BRINP3: variants seen among roughly 807,000 people sequenced by gnomAD.
BRINP3 encodes the protein BMP/retinoic acid-inducible neural-specific protein 3.
Under a neutral mutation model 71.0 loss-of-function variants are expected in BRINP3, and 19 were observed. The ratio of observed to expected loss-of-function variants is 0.27; its 90% confidence interval spans 0.19 to 0.39. The LOEUF is 0.39. Among genes scored for constraint, BRINP3 ranks in the 10% least tolerant of loss-of-function variants. BRINP3 has a pLI of 1.00. For missense variants in BRINP3, 959 were observed against 940.8 expected (o/e 1.02, Z -0.25); for synonymous variants, 380 against 337.7 (o/e 1.13, Z -1.37).
intron 3 of BRINP3, among the ~76,000 whole-genome samples, chr1:190,269,171 G>A (rs541903224): frequency 2.6e-5 from 4 of 152,146 alleles, no homozygotes; most frequent in African/African-American, 7.2e-5. Context: ...TGGAAACTTC[G>A]CATGTAATAA....
At chr1:190,408,873 G>T (rs1296545352) in intron 2 of BRINP3, among the ~76,000 whole-genome samples, 1 of 152,154 alleles carries the variant, frequency 6.6e-6, no homozygotes, top group African/African-American at 2.4e-5. Context: ...GAGGCCTGAA[G>T]AAATCACTCA....
rs1571754122 is a variant in BRINP3, at chr1:190,120,246, A to G, written c.1185-21112T>C. ...TCAGCACTAATTTTTCTCTGTTACA[A>G]CCTTATCTCATTGCAGCCAATTCAC... On this transcript the variant is annotated intron_variant, in intron 7 of 7. Transcript: ENST00000367462. 2.0e-5 allele frequency among the ~76,000 whole-genome samples: 3 copies of G among 152,092 alleles called. No individual in the cohort carries two copies. In the South Asian group the frequency reaches 6.2e-4, roughly 32 times the overall value.
At chr1:190,139,467 AAAAG>A (rs1323831135) in intron 7 of BRINP3, among the ~76,000 whole-genome samples, 1 of 150,416 alleles carries the variant, frequency 6.6e-6, no homozygotes, top group African/African-American at 2.5e-5. Flanking sequence ...AAAAAAAAAA[AAAAG>A]AAAGAAAGAA....
At chr1:190,243,341 T>A (rs1177974866) in intron 4 of BRINP3, among the ~76,000 whole-genome samples, 2 of 151,656 alleles carry the variant, frequency 1.3e-5, no homozygotes, top group African/African-American at 2.4e-5. Context: ...TATTTTGACT[T>A]TTTTTTTAGA....
At chr1:190,195,842 G>A (rs1654431559) in intron 6 of BRINP3, among the ~76,000 whole-genome samples, 1 of 151,052 alleles carries the variant, frequency 6.6e-6, no homozygotes, top group East Asian at 2.0e-4. Flanking sequence ...ATCCATAATT[G>A]GAGTTCTTGA....
At chr1:190,384,766 A>C (rs1477788541) in intron 2 of BRINP3, among the ~76,000 whole-genome samples, 1 of 151,952 alleles carries the variant, frequency 6.6e-6, no homozygotes, top group Non-Finnish European at 1.5e-5. Flanking sequence ...CACCCTGAAC[A>C]AAATTTAAAC....
chr1:190,299,129 T>C (rs1048751736), intron 2 of BRINP3, among the ~76,000 whole-genome samples: 8 of 152,134 alleles, frequency 5.3e-5, no homozygotes, highest in African/African-American at 1.7e-4. Flanking sequence ...CTTCTTTTTC[T>C]GAAATTAATG....
At chr1:190,345,430 T>C (rs1667953231) in intron 2 of BRINP3, among the ~76,000 whole-genome samples, 1 of 151,852 alleles carries the variant, frequency 6.6e-6, no homozygotes, top group South Asian at 2.1e-4. Flanking sequence ...GAGCATTTCT[T>C]TCTGCTTCCT....
In BRINP3 at chr1:190,223,109, T is replaced by C. The variant is rs575824368; in HGVS notation, c.961+2973A>G. Among the ~76,000 whole-genome samples, 35 of 152,030 alleles carry C rather than the reference T, an allele frequency of 2.3e-4. 2 individuals carry two copies. In the South Asian group the frequency reaches 6.8e-3, roughly 30 times the overall value. ...ACCAAAATTTAAAGAAGAACCAATA[T>C]CAGTTCTACCCAAATTCTCCAAAAA... On this transcript the variant is annotated intron_variant, in intron 6 of 7. Transcript: ENST00000367462.
At position 190,184,316 on chromosome 1, in the gene BRINP3, C is replaced by T. The variant is rs149411908; in HGVS notation, c.962-23426G>A. 5.6e-4 allele frequency among the ~76,000 whole-genome samples: 86 copies of T among 152,216 alleles called. 2 individuals are homozygous for T. The East Asian group carries it at 0.016, about 28-fold the overall frequency. The stretch of plus-strand genomic sequence containing the variant: ...AATTAGTTCAGCCACTGTGGAAAGC[C>T]ATCTGAAGATTTCTCAAAGAACTTA... On this transcript the variant is annotated intron_variant, in intron 6 of 7. Transcript: ENST00000367462.
chr1:190,316,056 C>T (rs1025677532), intron 2 of BRINP3, among the ~76,000 whole-genome samples: 8 of 149,712 alleles, frequency 5.3e-5, no homozygotes, highest in African/African-American at 1.5e-4. Context: ...AACTGGACAC[C>T]GGTGCAGCTG....
chr1:190,252,452 C>G (rs1013917531), intron 4 of BRINP3, among the ~76,000 whole-genome samples: 1 of 152,046 alleles, frequency 6.6e-6, no homozygotes, highest in African/African-American at 2.4e-5. Flanking sequence ...TACACTGAAG[C>G]AGAAGAAATA....
chr1:190,370,677 C>CCTTCATGG (rs1669803345), intron 2 of BRINP3, among the ~76,000 whole-genome samples: 1 of 152,170 alleles, frequency 6.6e-6, no homozygotes, highest in African/African-American at 2.4e-5. Context: ...TAAGGCAGGG[C>CCTTCATGG]CTTCATGGCG....
rs71123078 is a variant in BRINP3, at chr1:190,240,872, C to CAAAA, written c.619-6399_619-6396dup. Among the ~76,000 whole-genome samples the CAAAA allele has an allele frequency of 5.2e-4, 20 of 38,266 alleles. 1 individual carries two copies. Among genetic ancestry groups the CAAAA allele is most frequent in the African/African-American group, 1.6e-3 (14 of 8,790 alleles). 25.1% of individuals were successfully genotyped at this position (38,266 alleles called of 152,430 possible). ...GGGCAATAAGAGTGAAACTCTGTCT[C>CAAAA]AAAAAAAAAAAAAAAAAAAAAAAAA... On this transcript the variant is annotated intron_variant, in intron 4 of 7. Coordinates refer to ENST00000367462, the MANE Select transcript of BRINP3 (RefSeq NM_199051.3).
At chr1:190,225,096 G>T (rs6659885) in intron 6 of BRINP3, among the ~76,000 whole-genome samples, 3 of 151,562 alleles carry the variant, frequency 2.0e-5, no homozygotes, top group African/African-American at 7.3e-5. Flanking sequence ...TAAAGTAGAA[G>T]TACCATATTA....
At chr1:190,359,088 G>T (rs892010750) in intron 2 of BRINP3, among the ~76,000 whole-genome samples, 1 of 151,782 alleles carries the variant, frequency 6.6e-6, no homozygotes, top group African/African-American at 2.4e-5. Context: ...TGCAGCAAAC[G>T]AATATGACAC....
chr1:190,213,737 T>G (rs1656179118), intron 6 of BRINP3, among the ~76,000 whole-genome samples: 1 of 151,832 alleles, frequency 6.6e-6, no homozygotes, highest in African/African-American at 2.4e-5. Flanking sequence ...AGTAAAACTC[T>G]AATAAAATTG....
intron 6 of BRINP3, among the ~76,000 whole-genome samples, chr1:190,207,281 T>C (rs1449092471): frequency 6.6e-6 from 1 of 152,136 alleles, no homozygotes; most frequent in African/African-American, 2.4e-5. Context: ...TATCTTGTTA[T>C]TCTCTGTGTT....
intron 2 of BRINP3, among the ~76,000 whole-genome samples, chr1:190,430,142 G>C (rs1271485765): frequency 6.6e-6 from 1 of 152,084 alleles, no homozygotes; most frequent in Non-Finnish European, 1.5e-5. Context: ...ACAAAATATA[G>C]ATGTTTACTT....
Sources: gnomAD v4.1 joint callset for allele counts (sites outside exome capture counted in the v4.1 genomes callset) on GRCh38, gnomAD v4.1.1 for gene constraint, MANE v1.5 for transcripts, NCBI Gene and HGNC (gene_info 2026-07-23, HGNC 2026-07-21) for gene names.